Variants in PHF14 observed in about 807,000 individuals in gnomAD.
The protein encoded by PHF14 is PHD finger protein 14.
In PHF14, 55 loss-of-function variants were observed where a neutral mutation model predicts 117.9. The observed-to-expected ratio is 0.47, with a 90% CI of 0.38 to 0.58. The LOEUF is 0.58. Ranked by LOEUF, PHF14 falls within the 20% of genes least tolerant of loss-of-function variation. The probability of loss-of-function intolerance (pLI) is 0.00; values close to 1 mark genes in which losing one functional copy is unlikely to be tolerated. For synonymous variants in PHF14, 409 were observed against 368.6 expected (o/e 1.11, Z -1.26); for missense variants, 978 against 1,122.2 (o/e 0.87, Z 1.84).
chr7:11,167,561 A>G (rs1026563525), intron 17 of PHF14, among the ~76,000 whole-genome samples: 1 of 152,180 alleles, frequency 6.6e-6, no homozygotes, highest in African/African-American at 2.4e-5. Flanking sequence ...GGAATGTATA[A>G]GATACAGAAG....
intron 13 of PHF14, among the ~76,000 whole-genome samples, chr7:11,043,989 TA>T (rs944448561): frequency 2.0e-5 from 3 of 150,696 alleles, no homozygotes; most frequent in South Asian, 2.1e-4. Flanking sequence ...TTTCTGCAGC[TA>T]AAAAAAAACA....
Position 11,130,402 on chromosome 7 carries a change from C to T in PHF14, c.2772+18935C>T, listed in dbSNP as rs1788062502. ...TATACAATTTATATGGGGGAAACTG[C>T]ATAATAGTGTGAAATGTAATGGTAG... On this transcript the variant is annotated intron_variant, in intron 17 of 17. Transcript: ENST00000634607. This position sits in a 1 kb window ranked among gnomAD's most constrained non-coding sequence, Gnocchi z 4.2. Among the ~76,000 whole-genome samples the T allele has an allele frequency of 6.6e-6, 1 of 151,898 alleles. No individual in the cohort carries two copies.
At chr7:11,105,288 GA>G (rs1466171359) in intron 16 of PHF14, 1 of 949,004 alleles carries the variant, frequency 1.1e-6, no homozygotes, top group African/African-American at 1.8e-5. Flanking sequence ...TTATATTTAT[GA>G]TGTTAAAAAT....
At chr7:11,103,948 G>A (rs956521338) in intron 16 of PHF14, 2 of 983,300 alleles carry the variant, frequency 2.0e-6, no homozygotes, top group African/African-American at 3.5e-5. Context: ...AGGACTAGTT[G>A]TCACTATATT....
chr7:11,120,883 G>GT (rs1272812527), intron 17 of PHF14, among the ~76,000 whole-genome samples: 1 of 151,978 alleles, frequency 6.6e-6, no homozygotes, highest in Non-Finnish European at 1.5e-5. Flanking sequence ...ACGGAAACTT[G>GT]TTTTTTACTG....
At chr7:11,113,737 G>C (rs951349067) in intron 17 of PHF14, among the ~76,000 whole-genome samples, 2 of 152,082 alleles carry the variant, frequency 1.3e-5, no homozygotes. Flanking sequence ...TTCCATTCAT[G>C]ACCAGTGGGT....
intron 17 of PHF14, among the ~76,000 whole-genome samples, chr7:11,116,799 CTT>C (rs951248754): frequency 9.2e-5 from 14 of 151,878 alleles, no homozygotes; most frequent in African/African-American, 3.1e-4. Context: ...TTGTTAAAAA[CTT>C]CAGTTTTTAC....
chr7:11,122,442 CGT>C lies in PHF14; in HGVS notation c.2772+10976_2772+10977del, dbSNP rs772014436. Among the ~76,000 whole-genome samples, 85 of 102,768 alleles carry C rather than the reference CGT, an allele frequency of 8.3e-4. 2 individuals are homozygous for C. The South Asian group carries it at 0.016, about 19-fold the overall frequency. The allele number at this position is 102,768 out of a possible 152,430, so 67.4% of individuals were successfully genotyped here. Reference sequence around the variant, plus strand: ...ATATATATACACGTATATATATATACGTATATATATATATTGTGTGTGTGTGT... The same window carrying C: ...ATATATATACACGTATATATATATACATATATATATATTGTGTGTGTGTGT... On this transcript the variant is annotated intron_variant, in intron 17 of 17. Coordinates refer to ENST00000634607, the MANE Select transcript of PHF14 (RefSeq NM_001007157.2).
chr7:11,088,673 G>T (rs118046676), intron 16 of PHF14, among the ~76,000 whole-genome samples: 1 of 151,856 alleles, frequency 6.6e-6, no homozygotes, highest in African/African-American at 2.4e-5. Flanking sequence ...AATAGTCAAA[G>T]AAAGAAATGC....
intron 4 of PHF14, among the ~76,000 whole-genome samples, chr7:11,012,619 A>G (rs1562419478): frequency 6.6e-6 from 1 of 152,210 alleles, no homozygotes; most frequent in Non-Finnish European, 1.5e-5. Context: ...GTCCTACTCT[A>G]AAGTGTAAAG....
Position 11,036,510 on chromosome 7 carries a change from G to T in PHF14, c.1695G>T (p.Leu565Phe), listed in dbSNP as rs371367280. ...AGGCCTGGGTTCCAAGGGAAAAATT[G>T]CCCAGACCACTCACCAGCAGTGCTT... ...RPQAWVPREKLPRPLTSSASA... is the reference protein window; with the variant it reads ...RPQAWVPREKFPRPLTSSASA... The change falls in exon 9 of 18, where the codon TTG becomes TTT. Residue 565 changes from leucine (L) to phenylalanine (F), a missense_variant. By Grantham distance (22) the Leu-to-Phe change is conservative (BLOSUM62 0). Transcript: ENST00000634607. The T allele has an allele frequency of 1.2e-6, 2 of 1,613,922 alleles. No homozygotes were observed. Among genetic ancestry groups the T allele is most frequent in the Non-Finnish European group, 1.7e-6 (2 of 1,179,852 alleles).
intron 16 of PHF14, among the ~76,000 whole-genome samples, chr7:11,081,638 T>C (rs536141325): frequency 1.0e-4 from 15 of 149,568 alleles, no homozygotes; most frequent in Non-Finnish European, 1.6e-4. Flanking sequence ...GGGCGGATCA[T>C]GAAGTCAGGA....
intron 17 of PHF14, 37 bp downstream of exon 17, chr7:11,111,504 CCTT>C: frequency 2.9e-6 from 3 of 1,023,874 alleles, no homozygotes; most frequent in Non-Finnish European, 4.5e-6. Context: ...GTATTGGTGT[CCTT>C]CCGTTTGATA....
chr7:11,064,554 A>G (rs1351741852), intron 16 of PHF14, among the ~76,000 whole-genome samples: 1 of 152,016 alleles, frequency 6.6e-6, no homozygotes, highest in East Asian at 1.9e-4. Flanking sequence ...ACTGATGTTT[A>G]TATCACACTA....
intron 2 of PHF14, among the ~76,000 whole-genome samples, chr7:10,975,149 G>A (rs529929335): frequency 6.6e-6 from 1 of 152,294 alleles, no homozygotes; most frequent in African/African-American, 2.4e-5. Context: ...GAGATAATTA[G>A]CAGTCAGGGG....
At chr7:11,106,159 C>G (rs1787253760) in intron 16 of PHF14, 2 of 981,536 alleles carry the variant, frequency 2.0e-6, no homozygotes, top group Non-Finnish European at 2.4e-6. Context: ...CACATTTAAT[C>G]TTGTAATCTG....
At chr7:11,165,976 C>A (rs954303923) in intron 17 of PHF14, among the ~76,000 whole-genome samples, 1 of 152,166 alleles carries the variant, frequency 6.6e-6, no homozygotes, top group African/African-American at 2.4e-5. Flanking sequence ...ATTCTCACTA[C>A]AATTCTGTCC....
At chr7:11,108,909 C>T (rs1271196422) in intron 16 of PHF14, 1 of 151,608 alleles carries the variant, frequency 6.6e-6, no homozygotes, top group Non-Finnish European at 1.5e-5. Context: ...ATTATTATGA[C>T]ACAGAGTTAT....
intron 2 of PHF14, among the ~76,000 whole-genome samples, chr7:10,977,443 TA>T (rs1475477600): frequency 2.0e-5 from 3 of 152,154 alleles, no homozygotes; most frequent in African/African-American, 7.2e-5. Flanking sequence ...TAAAACTTTT[TA>T]TATTTCTGTT....
Sources: allele counts gnomAD v4.1 joint callset (sites outside exome capture counted in the v4.1 genomes callset), GRCh38; gene constraint gnomAD v4.1.1; non-coding constraint Gnocchi (gnomAD v3.1); transcripts MANE v1.5; gene names NCBI Gene and HGNC (gene_info 2026-07-23, HGNC 2026-07-21).